Variants in ACSL4 observed in about 807,000 individuals in gnomAD.
ACSL4 encodes the protein acyl-CoA synthetase long chain family member 4.
ACSL4 carries 9 observed loss-of-function variants against 49.1 expected under a neutral mutation model. The ratio of observed to expected loss-of-function variants is 0.18; its 90% CI spans 0.11 to 0.32. ACSL4 has a LOEUF of 0.32. ACSL4 is among the 10% of genes least tolerant of loss of function. ACSL4 has a pLI of 1.00. For missense variants in ACSL4, 333 were observed against 493.7 expected (o/e 0.67, Z 3.08); for synonymous variants, 191 against 170.3 (o/e 1.12, Z -0.95).
Position 109,733,257 on chromosome X carries a change from G to A in ACSL4, c.-184C>T, listed in dbSNP as rs944059510. The A allele has an allele frequency of 6.6e-6, 2 of 301,343 alleles. No homozygotes were observed. The highest frequency in any genetic ancestry group is 1.2e-4 in the East Asian group (1 of 8,360). The allele number at this position is 301,343 out of a possible 1,213,427, so 24.8% of individuals were successfully genotyped here. On this transcript the variant is annotated 5_prime_UTR_variant, in exon 1 of 16. Coordinates refer to ENST00000672401, the MANE Select transcript of ACSL4 (RefSeq NM_001318510.2). ...GAGGAGGAGCGCGCGGCGGAGGCCA[G>A]AGAAAAAGCCGCAGCGGCGCGCGCG...
intron 1 of ACSL4, among the ~76,000 whole-genome samples, chrX:109,707,763 T>C (rs757219854): frequency 3.9e-4 from 44 of 111,883 alleles, no homozygotes; most frequent in Non-Finnish European, 7.7e-4. Context: ...AATGTATCCA[T>C]GTGATCAAAT....
chrX:109,731,765 T>A (rs566816966), intron 1 of ACSL4, among the ~76,000 whole-genome samples: 2 of 111,763 alleles, frequency 1.8e-5, no homozygotes, highest in East Asian at 5.6e-4. Context: ...GTGTTAATTC[T>A]AACAGGAGTC....
intron 8 of ACSL4, among the ~76,000 whole-genome samples, chrX:109,675,713 A>C (rs1923624265): frequency 8.9e-6 from 1 of 112,205 alleles, no homozygotes; most frequent in South Asian, 3.7e-4. Flanking sequence ...CTCAAAGTTT[A>C]CTGAAATGTT....
chrX:109,672,553 T>C (rs1009853508), intron 9 of ACSL4, among the ~76,000 whole-genome samples: 5 of 111,803 alleles, frequency 4.5e-5, no homozygotes, highest in African/African-American at 1.6e-4. Flanking sequence ...GTGAATGTTA[T>C]AGTATTCAAT....
chrX:109,653,765 T>G (rs1297374243), intron 15 of ACSL4, among the ~76,000 whole-genome samples: 2 of 107,662 alleles, frequency 1.9e-5, no homozygotes, highest in Admixed American at 2.0e-4. Flanking sequence ...TGAGAACACA[T>G]GGACACAGGA....
At chrX:109,661,411 C>A in intron 14 of ACSL4, 120 bp downstream of exon 14, 1 of 534,839 alleles carries the variant, frequency 1.9e-6, no homozygotes, top group East Asian at 3.7e-5. Flanking sequence ...ATGTACAATT[C>A]CCCAGATCTG....
At chrX:109,660,009 C>G (rs1363384766) in intron 14 of ACSL4, among the ~76,000 whole-genome samples, 19 of 107,009 alleles carry the variant, frequency 1.8e-4, no homozygotes, top group Non-Finnish European at 1.9e-5. Context: ...ACAGAAGAAA[C>G]ACTTTATGAG....
chrX:109,680,059 T>C (rs1924043573), intron 6 of ACSL4, among the ~76,000 whole-genome samples: 1 of 112,142 alleles, frequency 8.9e-6, no homozygotes, highest in Admixed American at 9.5e-5. Flanking sequence ...ATGCTTACTG[T>C]CCAGTACAAT....
At chrX:109,677,258 G>A (rs755137136) in intron 8 of ACSL4, among the ~76,000 whole-genome samples, 138 of 109,125 alleles carry the variant, frequency 1.3e-3, no homozygotes, top group African/African-American at 3.9e-3. Context: ...CACCGCGCCC[G>A]GCCCTTAATT....
intron 11 of ACSL4, 119 bp from the exon 12 acceptor site, chrX:109,665,613 T>C: frequency 1.7e-6 from 1 of 596,304 alleles, no homozygotes; most frequent in Non-Finnish European, 2.9e-6. Flanking sequence ...GAGTGCAAAG[T>C]GTGATCATTT....
intron 6 of ACSL4, among the ~76,000 whole-genome samples, chrX:109,678,919 A>G (rs1214076242): frequency 8.9e-6 from 1 of 112,039 alleles, no homozygotes; most frequent in African/African-American, 3.2e-5. Flanking sequence ...GCCTCTCCAC[A>G]GTGTTGTATA....
chrX:109,649,849 A>G (rs1463187537), intron 15 of ACSL4, among the ~76,000 whole-genome samples: 2 of 107,807 alleles, frequency 1.9e-5, no homozygotes, highest in Non-Finnish European at 3.9e-5. Context: ...AAACAACCCC[A>G]TCAAAAAGTG....
chrX:109,670,522 T>C, intron 9 of ACSL4, among the ~76,000 whole-genome samples: 1 of 103,253 alleles, frequency 9.7e-6, no homozygotes, highest in East Asian at 3.2e-4. Flanking sequence ...GAGGTGGAGG[T>C]TGCAGTGAGC....
At chrX:109,683,416 G>T (rs1472518837) in intron 2 of ACSL4, 41 bp from the exon 3 acceptor site, 3 of 1,210,841 alleles carry the variant, frequency 2.5e-6, no homozygotes, top group Non-Finnish European at 2.2e-6. Context: ...AAATATAAGG[G>T]CACTGTATAT....
chrX:109,681,722 C>G (rs1289997650), intron 4 of ACSL4, among the ~76,000 whole-genome samples: 1 of 112,222 alleles, frequency 8.9e-6, no homozygotes, highest in African/African-American at 3.2e-5. Flanking sequence ...AGGGCTTCTT[C>G]TTGATACACA....
chrX:109,654,176 T>C (rs2147375130), intron 15 of ACSL4, among the ~76,000 whole-genome samples: 1 of 110,099 alleles, frequency 9.1e-6, no homozygotes, highest in Non-Finnish European at 1.9e-5. Flanking sequence ...ACTGGGACTA[T>C]TTAGTATTTA....
Position 109,728,804 on chromosome X carries a change from T to C in ACSL4, c.-66+4335A>G, listed in dbSNP as rs1350604655. Among the ~76,000 whole-genome samples the C allele has an allele frequency of 2.7e-5, 3 of 112,203 alleles. No individual in the cohort carries two copies. The Admixed American group carries it at 2.8e-4, about 11-fold the overall frequency. On this transcript the variant is annotated intron_variant, in intron 1 of 15. Coordinates refer to ENST00000672401, the MANE Select transcript of ACSL4 (RefSeq NM_001318510.2). Reference sequence around the variant, plus strand: ...AGAGGAAAAATTAATAAACTGGACCTCATCCAAATTAAAGCCTTTTGCTCT... The same window carrying C: ...AGAGGAAAAATTAATAAACTGGACCCCATCCAAATTAAAGCCTTTTGCTCT...
rs1176731083 is a variant in ACSL4, at chrX:109,733,234, G to A, written c.-161C>T. 1 of 320,620 alleles carries A rather than the reference G, an allele frequency of 3.1e-6. No homozygotes were observed. The highest frequency in any genetic ancestry group is 6.0e-6 in the Non-Finnish European group (1 of 166,059). 26.4% of individuals were successfully genotyped at this position (320,620 alleles called of 1,213,427 possible). A position where few individuals can be genotyped will look rare whatever the true frequency, so the allele number is the denominator to read the frequency against. On this transcript the variant is annotated 5_prime_UTR_variant, in exon 1 of 16. Coordinates refer to ENST00000672401, the MANE Select transcript of ACSL4 (RefSeq NM_001318510.2). ...CGCGTGCCCGCTAGCGCTGGGACGAGGAGGAGCGCGCGGCGGAGGCCAGAG... is the reference window on the plus strand; with the variant it reads ...CGCGTGCCCGCTAGCGCTGGGACGAAGAGGAGCGCGCGGCGGAGGCCAGAG...
intron 9 of ACSL4, among the ~76,000 whole-genome samples, chrX:109,671,343 T>G (rs1923205300): frequency 1.8e-5 from 2 of 111,196 alleles, no homozygotes; most frequent in African/African-American, 6.5e-5. Context: ...GAGGAGCGTC[T>G]CTGACCGGCC....
Sources: allele counts gnomAD v4.1 joint callset (sites outside exome capture counted in the v4.1 genomes callset), GRCh38; gene constraint gnomAD v4.1.1; transcripts MANE v1.5; gene names NCBI Gene and HGNC (gene_info 2026-07-23, HGNC 2026-07-21).